The following BAD variants were observed in gnomAD, a reference collection of about 807,000 sequenced individuals.
BAD encodes the protein bcl2-associated agonist of cell death.
In BAD, 18 loss-of-function variants were observed where a neutral mutation model predicts 17.8. The observed-to-expected ratio is 1.01, with a 90% CI of 0.70 to 1.50. The LOEUF is 1.50. BAD is among the 40% of genes most tolerant of loss of function. The probability of loss-of-function intolerance (pLI) is 0.00; values close to 1 mark genes in which losing one functional copy is unlikely to be tolerated. For synonymous variants in BAD, 112 were observed against 91.5 expected (o/e 1.22, Z -1.28); for missense variants, 294 against 239.3 (o/e 1.23, Z -1.51).
chr11:64,274,647 CCT>C (rs2032913170), intron 2 of BAD, among the ~76,000 whole-genome samples: 1 of 152,118 alleles, frequency 6.6e-6, no homozygotes, highest in African/African-American at 2.4e-5. Flanking sequence ...ATGGTGAAAC[CCT>C]GTCTCTACTA....
Position 64,284,530 on chromosome 11 carries a change from G to C in BAD, c.-9+101C>G. On this transcript the variant is annotated intron_variant, in intron 1 of 3. Transcript: ENST00000309032. ...CTCATCTGTCTGCCGGGTCTGGCCT[G>C]GCAGGGAGCTGAGGCTGTCGGCTCA... The C allele has an allele frequency of 5.2e-6, 8 of 1,525,896 alleles. No individual in the cohort carries two copies. The South Asian group carries it at 9.7e-5, about 18-fold the overall frequency. The allele number at this position is 1,525,896 out of a possible 1,614,324, so 94.5% of individuals were successfully genotyped here. A position where few individuals can be genotyped will look rare whatever the true frequency, so the allele number is the denominator to read the frequency against.
chr11:64,277,221 G>A (rs2033135425), intron 2 of BAD, among the ~76,000 whole-genome samples: 1 of 152,174 alleles, frequency 6.6e-6, no homozygotes, highest in South Asian at 2.1e-4. Flanking sequence ...ACAATCTGCT[G>A]CCGGGGGAGG....
At chr11:64,272,527 G>A (rs1324203774) in intron 2 of BAD, among the ~76,000 whole-genome samples, 4 of 152,152 alleles carry the variant, frequency 2.6e-5, no homozygotes, top group Non-Finnish European at 4.4e-5. Context: ...GAACTTGGCC[G>A]CTACATGTCC....
intron 2 of BAD, among the ~76,000 whole-genome samples, chr11:64,273,345 C>G (rs980011772): frequency 6.6e-6 from 1 of 152,058 alleles, no homozygotes; most frequent in African/African-American, 2.4e-5. Flanking sequence ...TGCACTCCAG[C>G]CTGGGTGGCA....
Position 64,271,778 on chromosome 11 carries a change from ACTCCGGATCTCCACAGCCCCAGCGC to A in BAD, c.188_212del (p.Gly63ValfsTer47), listed in dbSNP as rs1325663836. On this transcript the variant is annotated frameshift_variant and splice_region_variant, in exon 3 of 4. Transcript: ENST00000309032. LOFTEE classifies it high-confidence loss of function. ...TCCCCGCGGGGTAGGAGCTGTGGCG[ACTCCGGATCTCCACAGCCCCAGCGC>A]CTGCAGAGGGTCAGTGGGTAGGGGG... The A allele has an allele frequency of 7.5e-7, 1 of 1,324,626 alleles. No individual in the cohort carries two copies. Among genetic ancestry groups the A allele is most frequent in the Non-Finnish European group, 9.7e-7 (1 of 1,035,606 alleles). The allele number at this position is 1,324,626 out of a possible 1,614,324, so 82.1% of individuals were successfully genotyped here.
chr11:64,277,454 C>T (rs1192275422), intron 2 of BAD, among the ~76,000 whole-genome samples: 2 of 152,150 alleles, frequency 1.3e-5, no homozygotes, highest in Non-Finnish European at 2.9e-5. Flanking sequence ...TTTTAAAAAA[C>T]AGCGACAGGG....
intron 1 of BAD, 73 bp from the exon 2 acceptor site, chr11:64,284,449 ACCCCTGGCTTCCTCTCCCACCGTAGCGC>A: frequency 6.2e-7 from 1 of 1,600,756 alleles, no homozygotes; most frequent in Non-Finnish European, 8.5e-7. Flanking sequence ...AGAGGCAGGT[ACCCCTGGCTTCCTCTCCCACCGTAGCGC>A]CCCCAGGCCC....
At chr11:64,277,658 C>T (rs903463702) in intron 2 of BAD, among the ~76,000 whole-genome samples, 2 of 152,120 alleles carry the variant, frequency 1.3e-5, no homozygotes, top group East Asian at 1.9e-4. Flanking sequence ...AGGCTGGTCT[C>T]GAACTCCTGA....
At chr11:64,280,294 TG>T (rs910256978) in intron 2 of BAD, among the ~76,000 whole-genome samples, 4 of 141,416 alleles carry the variant, frequency 2.8e-5, no homozygotes, top group African/African-American at 1.0e-4. Flanking sequence ...CACTCCAGCC[TG>T]GGCGACAGAG....
Position 64,284,354 on chromosome 11 carries a change from T to G in BAD, c.15A>C (p.Pro5=). The G allele has an allele frequency of 1.9e-6, 3 of 1,612,944 alleles. No individual in the cohort carries two copies. Among genetic ancestry groups the G allele is most frequent in the Non-Finnish European group, 1.7e-6 (2 of 1,179,956 alleles). MFQI[P]EFEPSEQEDS... is the part of the protein sequence containing the mutation. Reference sequence around the variant, plus strand: ...CTTCCTGCTCACTCGGCTCAAACTCTGGGATCTGGAACATGCTCTGGGCTG... The same window carrying G: ...CTTCCTGCTCACTCGGCTCAAACTCGGGGATCTGGAACATGCTCTGGGCTG... Residue 5 remains proline, a synonymous_variant, in exon 2 of 4, where the codon CCA becomes CCC. Coordinates refer to ENST00000309032, the MANE Select transcript of BAD (RefSeq NM_032989.3).
chr11:64,270,411 G>T (rs1375630340), intron 3 of BAD, 74 bp from the exon 4 acceptor site: 9 of 1,471,892 alleles, frequency 6.1e-6, no homozygotes, highest in Non-Finnish European at 7.3e-6. Context: ...ACTTCCGTGA[G>T]CCTTCCTCTA....
chr11:64,273,453 C>T (rs949459005), intron 2 of BAD, among the ~76,000 whole-genome samples: 9 of 152,126 alleles, frequency 5.9e-5, no homozygotes, highest in East Asian at 1.9e-4. Context: ...TTCAGAGGCC[C>T]GCCTACTATG....
At position 64,270,066 on chromosome 11, in the gene BAD, G is replaced by A; in HGVS notation, c.*143C>T. On this transcript the variant is annotated 3_prime_UTR_variant, in exon 4 of 4. Transcript: ENST00000309032. ...TTCCGTGGCTTCACACGCACCGGAA[G>A]GGAATCTGGGTCAGCCCTCCCTCCA... The A allele has an allele frequency of 1.4e-6, 2 of 1,414,310 alleles. No individual in the cohort carries two copies. Among genetic ancestry groups the A allele is most frequent in the South Asian group, 1.2e-5 (1 of 80,582 alleles). 87.6% of individuals were successfully genotyped at this position (1,414,310 alleles called of 1,614,324 possible). A position where few individuals can be genotyped will look rare whatever the true frequency, so the allele number is the denominator to read the frequency against.
rs1591123978 is a variant in BAD, at chr11:64,270,199, G to A, written c.*10C>T. The A allele has an allele frequency of 6.2e-7, 1 of 1,613,978 alleles. No homozygotes were observed. Among genetic ancestry groups the A allele is most frequent in the East Asian group, 2.2e-5 (1 of 44,876 alleles). ...GGGAACGGGTGGAGTTTCGGGATGT[G>A]GAGCGAAGGTCACTGGGAGGGGGCG... On this transcript the variant is annotated 3_prime_UTR_variant, in exon 4 of 4. Coordinates refer to ENST00000309032, the MANE Select transcript of BAD (RefSeq NM_032989.3).
intron 2 of BAD, among the ~76,000 whole-genome samples, chr11:64,272,407 T>C (rs1228811665): frequency 6.6e-6 from 1 of 151,900 alleles, no homozygotes; most frequent in Non-Finnish European, 1.5e-5. Flanking sequence ...TTTCATAGTG[T>C]CTGTTCTACA....
intron 2 of BAD, 53 bp from the exon 3 acceptor site, chr11:64,271,856 C>A: frequency 7.7e-7 from 1 of 1,306,302 alleles, no homozygotes; most frequent in Non-Finnish European, 9.8e-7. Context: ...TCCTCTAAGC[C>A]CCTGGCCCTG....
intron 2 of BAD, among the ~76,000 whole-genome samples, chr11:64,279,254 C>G (rs2033266560): frequency 6.6e-6 from 1 of 151,940 alleles, no homozygotes; most frequent in South Asian, 2.1e-4. Context: ...TGGATCATGC[C>G]CCCGGGACCC....
chr11:64,279,702 G>A (rs2033305945), intron 2 of BAD, among the ~76,000 whole-genome samples: 1 of 147,344 alleles, frequency 6.8e-6, no homozygotes, highest in Admixed American at 7.0e-5. Context: ...GGTGGAAGTT[G>A]CAGTGAGCCG....
At chr11:64,283,484 T>C (rs1366037546) in intron 2 of BAD, among the ~76,000 whole-genome samples, 1 of 152,240 alleles carries the variant, frequency 6.6e-6, no homozygotes, top group East Asian at 1.9e-4. Flanking sequence ...GAGCCTGTGC[T>C]TCTCACCCCA....
Sources: allele counts gnomAD v4.1 joint callset (sites outside exome capture counted in the v4.1 genomes callset), GRCh38; gene constraint gnomAD v4.1.1; transcripts MANE v1.5; gene names NCBI Gene and HGNC (gene_info 2026-07-23, HGNC 2026-07-21).